The following RBFOX2 variants were observed in gnomAD, a reference collection of about 807,000 sequenced individuals.
RBFOX2 encodes RNA binding protein fox-1 homolog 2.
A neutral mutation model predicts 49.1 loss-of-function variants in RBFOX2; 10 were observed. The ratio of observed to expected loss-of-function variants is 0.20; its 90% CI spans 0.13 to 0.35. The LOEUF is 0.35. Among genes scored for constraint, RBFOX2 ranks in the 10% least tolerant of loss-of-function variants. RBFOX2 has a pLI of 1.00. For synonymous variants in RBFOX2, 183 were observed against 187.4 expected, an observed-to-expected ratio of 0.98 and a Z score of 0.19; for missense variants, 323 against 486.9, an observed-to-expected ratio of 0.66 and a Z score of 3.17.
chr22:35,998,810 T>C (rs2058294372), intron 1 of RBFOX2: 1 of 152,546 alleles, frequency 6.6e-6, no homozygotes, highest in Non-Finnish European at 1.5e-5. Context: ...TTTGATCAAA[T>C]CTTATGAGAT....
At chr22:35,991,305 G>A (rs2057970896) in intron 1 of RBFOX2, among the ~76,000 whole-genome samples, 1 of 152,128 alleles carries the variant, frequency 6.6e-6, no homozygotes, top group Admixed American at 6.6e-5. Context: ...AGATCGGAAT[G>A]GAAGAGAAAA....
chr22:35,898,683 C>T (rs2048178469), intron 1 of RBFOX2, among the ~76,000 whole-genome samples: 2 of 152,066 alleles, frequency 1.3e-5, no homozygotes, highest in Admixed American at 1.3e-4. Context: ...CTGCCTGGGC[C>T]TCCCAAAGTG....
intron 1 of RBFOX2, among the ~76,000 whole-genome samples, chr22:35,913,430 C>T (rs754047677): frequency 2.2e-4 from 33 of 151,274 alleles, no homozygotes; most frequent in Non-Finnish European, 4.0e-4. Context: ...AAAAATAAAG[C>T]TCTTTAAGGG....
exon 2 of RBFOX2, chr22:35,809,935 G>A: frequency 6.2e-7 from 1 of 1,614,126 alleles, no homozygotes; most frequent in Non-Finnish European, 8.5e-7. Context: ...TTCTGCGGAG[G>A]TGGTGGAAAT....
intron 1 of RBFOX2, among the ~76,000 whole-genome samples, chr22:35,875,669 T>TGTGTGTGTGTGTG (rs2044980897): frequency 7.5e-6 from 1 of 132,938 alleles, no homozygotes; most frequent in Non-Finnish European, 1.6e-5. Context: ...TGTGTGTGTC[T>TGTGTGTGTGTGTG]TGTAGCCCAT....
intron 1 of RBFOX2, among the ~76,000 whole-genome samples, chr22:36,014,323 C>CTT (rs1273274587): frequency 1.3e-5 from 2 of 151,940 alleles, no homozygotes; most frequent in East Asian, 3.9e-4. Context: ...GGGGTTTCAC[C>CTT]GTGGTCTCGA....
chr22:35,937,622 G>A (rs528749045), intron 1 of RBFOX2, among the ~76,000 whole-genome samples: 2 of 152,144 alleles, frequency 1.3e-5, no homozygotes, highest in Admixed American at 6.5e-5. Context: ...ACAAAGTCTC[G>A]CTCTATCACT....
intron 1 of RBFOX2, among the ~76,000 whole-genome samples, chr22:35,824,991 G>A (rs566497481): frequency 1.3e-5 from 2 of 152,240 alleles, no homozygotes; most frequent in Non-Finnish European, 2.9e-5. Context: ...AGGCCGAGGC[G>A]GGTGGATCAC....
At chr22:35,938,792 T>C (rs1417621377) in intron 1 of RBFOX2, 55 bp downstream of exon 2, 9 of 1,527,578 alleles carry the variant, frequency 5.9e-6, no homozygotes, top group Admixed American at 3.4e-5. Context: ...AGCAACCCTT[T>C]GATGAAACAC....
At chr22:36,027,981 T>G (rs935716289) in intron 1 of RBFOX2, among the ~76,000 whole-genome samples, 1 of 152,058 alleles carries the variant, frequency 6.6e-6, no homozygotes, top group Non-Finnish European at 1.5e-5. Context: ...CTTGTTCGAT[T>G]TCCCCCCAAA....
intron 1 of RBFOX2, among the ~76,000 whole-genome samples, chr22:35,991,046 G>C (rs1406887221): frequency 6.6e-6 from 1 of 152,028 alleles, no homozygotes; most frequent in Non-Finnish European, 1.5e-5. Context: ...GATCACTTGA[G>C]CTTGGGAGTT....
intron 9 of RBFOX2, among the ~76,000 whole-genome samples, chr22:35,754,094 G>A (rs190229855): frequency 1.1e-3 from 164 of 147,328 alleles, no homozygotes; most frequent in African/African-American, 4.0e-3. Flanking sequence ...AAGTAGGCAA[G>A]TCTTTTTTTT....
chr22:35,844,463 C>T (rs548966141), upstream of RBFOX2, among the ~76,000 whole-genome samples: 18 of 152,206 alleles, frequency 1.2e-4, no homozygotes, highest in South Asian at 2.1e-4. Context: ...CTTCCAAGAG[C>T]GCACTTGGAG....
chr22:35,859,952 T>C (rs963501061), intron 1 of RBFOX2, among the ~76,000 whole-genome samples: 1 of 152,216 alleles, frequency 6.6e-6, no homozygotes, highest in African/African-American at 2.4e-5. Flanking sequence ...ATTTTAAATA[T>C]TCTAATACTG....
At chr22:35,783,537 C>T (rs1031003256) in intron 2 of RBFOX2, among the ~76,000 whole-genome samples, 11 of 151,848 alleles carry the variant, frequency 7.2e-5, no homozygotes, top group Admixed American at 3.9e-4. Flanking sequence ...TTTTCAAAAG[C>T]GAGTTTGGGG....
intron 9 of RBFOX2, among the ~76,000 whole-genome samples, chr22:35,757,234 A>C (rs568070008): frequency 1.2e-3 from 178 of 152,156 alleles, no homozygotes; most frequent in African/African-American, 3.8e-3. Flanking sequence ...AAAAAAAAAA[A>C]AAAAACAAAA....
Position 35,952,028 on chromosome 22 carries a change from C to T in RBFOX2, c.42+9535G>A, listed in dbSNP as rs374895842. On this transcript the variant is annotated intron_variant, in intron 1 of 5. Transcript: ENST00000408983. ...AGTGGCTCTTATCTGTTAATGCCTG[C>T]TTTCCTTTCGGGAGTCTGGAATTTT... Among the ~76,000 whole-genome samples, 4 of 152,162 alleles carry T rather than the reference C, an allele frequency of 2.6e-5. No individual in the cohort carries two copies. The East Asian group carries it at 5.8e-4, about 22-fold the overall frequency.
intron 1 of RBFOX2, among the ~76,000 whole-genome samples, chr22:35,892,427 T>C (rs2047359069): frequency 6.6e-6 from 1 of 152,198 alleles, no homozygotes; most frequent in Admixed American, 6.6e-5. Context: ...GCGCACAAGA[T>C]AGCATTCTAT....
In RBFOX2 at chr22:35,761,396, A is replaced by G. The variant is rs755398660; in HGVS notation, c.661+19T>C. ...TTACAATTAAATAGCACAAGTGGAA[A>G]CATTTACTTAAATACTACCTGCATA... On this transcript the variant is annotated intron_variant, in intron 7 of 11. Coordinates refer to ENST00000405409, the Ensembl canonical transcript of RBFOX2. 2.5e-5 allele frequency: 41 copies of G among 1,613,740 alleles called. No homozygotes were observed. The highest frequency in any genetic ancestry group is 2.2e-4 in the Admixed American group (13 of 60,010).
Sources: gnomAD v4.1 joint callset for allele counts (sites outside exome capture counted in the v4.1 genomes callset) on GRCh38, gnomAD v4.1.1 for gene constraint, MANE v1.5 for transcripts, NCBI Gene and HGNC (gene_info 2026-07-23, HGNC 2026-07-21) for gene names.